NFIA: variants seen among roughly 807,000 people sequenced by gnomAD.
The protein encoded by NFIA is nuclear factor I A.
Under a neutral mutation model 62.8 loss-of-function variants are expected in NFIA, and 8 were observed. The observed-to-expected ratio is 0.13, with a 90% CI of 0.07 to 0.23. The LOEUF (loss-of-function observed/expected upper bound fraction) is 0.23. Among genes scored for constraint, NFIA ranks in the 10% least tolerant of loss-of-function variants. The pLI, the probability that NFIA is intolerant of heterozygous loss-of-function variation, is 1.00. For missense variants in NFIA, 410 were observed against 642.1 expected, an observed-to-expected ratio of 0.64 and a Z score of 3.91; for synonymous variants, 235 against 238.1, an observed-to-expected ratio of 0.99 and a Z score of 0.12.
chr1:61,087,018 T>A (rs1646230311), intron 1 of NFIA, among the ~76,000 whole-genome samples: 1 of 152,166 alleles, frequency 6.6e-6, no homozygotes, highest in Non-Finnish European at 1.5e-5. Context: ...TGTGGATTAG[T>A]TAATCAAAAG....
intron 7 of NFIA, among the ~76,000 whole-genome samples, chr1:61,396,481 G>A (rs553940774): frequency 3.3e-5 from 5 of 152,192 alleles, no homozygotes; most frequent in South Asian, 2.1e-4. Flanking sequence ...TCCTGGGCTC[G>A]AGTGATTCTC....
At chr1:61,444,470 C>T (rs114426612) in intron 10 of NFIA, among the ~76,000 whole-genome samples, 1,726 of 152,278 alleles carry the variant, frequency 0.011, 36 homozygotes, top group African/African-American at 0.039. Flanking sequence ...CAGAGGCCGG[C>T]AGAGTTCAGA....
intron 1 of NFIA, among the ~76,000 whole-genome samples, chr1:61,087,032 G>A (rs78764922): frequency 0.01 from 1,536 of 152,216 alleles, 12 homozygotes; most frequent in Non-Finnish European, 0.015. Flanking sequence ...TCAAAAGTTA[G>A]ACGTACTCCG....
intron 3 of NFIA, among the ~76,000 whole-genome samples, chr1:61,304,667 ATT>A (rs55774470): frequency 1.2e-3 from 184 of 151,374 alleles, no homozygotes; most frequent in African/African-American, 4.0e-3. Flanking sequence ...CTAAGATCTG[ATT>A]TTTTTTTTTG....
intron 3 of NFIA, among the ~76,000 whole-genome samples, chr1:61,320,502 G>T (rs1660624705): frequency 1.3e-5 from 2 of 152,104 alleles, no homozygotes; most frequent in African/African-American, 4.8e-5. Context: ...TTTTATATTT[G>T]GAGACGTATA....
chr1:61,316,937 T>A (rs984854105), intron 3 of NFIA, among the ~76,000 whole-genome samples: 1 of 152,226 alleles, frequency 6.6e-6, no homozygotes, highest in African/African-American at 2.4e-5. Context: ...TAGTTTATTT[T>A]AAAAAGTTAT....
chr1:61,269,317 G>C (rs1232334398), intron 2 of NFIA, among the ~76,000 whole-genome samples: 1 of 151,948 alleles, frequency 6.6e-6, no homozygotes, highest in Non-Finnish European at 1.5e-5. Flanking sequence ...ATGATAGAAG[G>C]TATTTTATTT....
At position 61,088,792 on chromosome 1, in the gene NFIA, T is replaced by C; in HGVS notation, c.559+112T>C. ...CTCCCCAAGTTGCAGGCCACGTACA[T>C]GAAGCCAGTGTGGTTTCAAAGATTG... On this transcript the variant is annotated intron_variant, in intron 2 of 10. Transcript: ENST00000403491. The surrounding 1 kb of genome is among the most constrained non-coding windows in gnomAD (Gnocchi z 4.5). The C allele has an allele frequency of 1.6e-6, 2 of 1,241,290 alleles. No homozygotes were observed. The highest frequency in any genetic ancestry group is 1.5e-5 in the South Asian group (1 of 66,862). 76.9% of individuals were successfully genotyped at this position (1,241,290 alleles called of 1,614,324 possible).
At chr1:61,167,488 A>G (rs981308508) in intron 2 of NFIA, among the ~76,000 whole-genome samples, 1 of 152,168 alleles carries the variant, frequency 6.6e-6, no homozygotes, top group Non-Finnish European at 1.5e-5. Flanking sequence ...GTACAAAGGG[A>G]GCCACAGGGT....
intron 2 of NFIA, among the ~76,000 whole-genome samples, chr1:61,134,733 T>TAATC (rs1440592780): frequency 6.6e-6 from 1 of 152,226 alleles, no homozygotes; most frequent in Non-Finnish European, 1.5e-5. Context: ...CTGATGCTTG[T>TAATC]AATCCCAGCA....
chr1:61,391,808 G>A (rs1428072658), intron 7 of NFIA, among the ~76,000 whole-genome samples: 1 of 152,158 alleles, frequency 6.6e-6, no homozygotes, highest in Non-Finnish European at 1.5e-5. Flanking sequence ...TTGCCTCTTA[G>A]GAAAGCTTTT....
chr1:61,372,317 A>G (rs1451588907), intron 6 of NFIA, among the ~76,000 whole-genome samples: 1 of 152,144 alleles, frequency 6.6e-6, no homozygotes, highest in Non-Finnish European at 1.5e-5. Context: ...CTTAGTGTCA[A>G]ATAAGTAATT....
At chr1:61,279,968 GA>G (rs1168558859) in intron 3 of NFIA, among the ~76,000 whole-genome samples, 3 of 152,034 alleles carry the variant, frequency 2.0e-5, no homozygotes, top group Non-Finnish European at 4.4e-5. Flanking sequence ...TTCAAAGAAA[GA>G]AAGTATTAAT....
chr1:61,115,178 A>C (rs1342938507), intron 2 of NFIA, among the ~76,000 whole-genome samples: 1 of 152,072 alleles, frequency 6.6e-6, no homozygotes. Context: ...ACGGGGTTTC[A>C]CCATGTTGGC....
At position 61,405,065 on chromosome 1, in the gene NFIA, T is replaced by A. The variant is rs1665749871; in HGVS notation, c.1254+783T>A. On this transcript the variant is annotated intron_variant, in intron 8 of 10. Transcript: ENST00000403491. Reference sequence around the variant, plus strand: ...AAATTTGATTTTCCTTTTCTACTAATAACTGTGCATGAAGTCACAGACTAG... The same window carrying A: ...AAATTTGATTTTCCTTTTCTACTAAAAACTGTGCATGAAGTCACAGACTAG... Among the ~76,000 whole-genome samples, 3 of 152,212 alleles carry A rather than the reference T, an allele frequency of 2.0e-5. No homozygotes were observed. The South Asian group carries it at 6.2e-4, about 32-fold the overall frequency.
chr1:61,185,440 C>T (rs1261938504), intron 2 of NFIA, among the ~76,000 whole-genome samples: 2 of 152,128 alleles, frequency 1.3e-5, no homozygotes, highest in Non-Finnish European at 2.9e-5. Context: ...TGAGTATTCC[C>T]TCTTTTTCCA....
At chr1:61,139,299 C>G (rs1453280733) in intron 2 of NFIA, among the ~76,000 whole-genome samples, 1 of 152,134 alleles carries the variant, frequency 6.6e-6, no homozygotes, top group African/African-American at 2.4e-5. Context: ...GAGGATAGTC[C>G]GGAACTCCCC....
chr1:61,347,415 C>T (rs1215185579), intron 4 of NFIA, among the ~76,000 whole-genome samples: 2 of 151,968 alleles, frequency 1.3e-5, no homozygotes, highest in Non-Finnish European at 2.9e-5. Context: ...CCTCATGATC[C>T]GCCTGCCTCA....
intron 4 of NFIA, among the ~76,000 whole-genome samples, chr1:61,348,990 C>G (rs1206518061): frequency 1.3e-5 from 2 of 152,156 alleles, no homozygotes; most frequent in African/African-American, 2.4e-5. Context: ...TCTCTAATCT[C>G]CAGGAAGGCA....
Sources: allele counts gnomAD v4.1 joint callset (sites outside exome capture counted in the v4.1 genomes callset), GRCh38; gene constraint gnomAD v4.1.1; non-coding constraint Gnocchi (gnomAD v3.1); transcripts MANE v1.5; gene names NCBI Gene and HGNC (gene_info 2026-07-23, HGNC 2026-07-21).